The following SEZ6L variants were observed in gnomAD, a reference collection of about 807,000 sequenced individuals.
SEZ6L encodes the protein seizure 6-like protein.
In SEZ6L, 37 loss-of-function variants were observed where a neutral mutation model predicts 106.2. The ratio of observed to expected loss-of-function variants is 0.35; its 90% CI spans 0.27 to 0.46. The LOEUF is 0.46. SEZ6L is among the 20% of genes least tolerant of loss of function. The probability of loss-of-function intolerance (pLI) is 1.00; values close to 1 mark genes in which losing one functional copy is unlikely to be tolerated. For missense variants in SEZ6L, 1,172 were observed against 1,332.8 expected, an observed-to-expected ratio of 0.88 and a Z score of 1.88; for synonymous variants, 541 against 570.4, an observed-to-expected ratio of 0.95 and a Z score of 0.73.
At chr22:26,378,369 G>T (rs1187585014) in intron 16 of SEZ6L, among the ~76,000 whole-genome samples, 2 of 152,192 alleles carry the variant, frequency 1.3e-5, no homozygotes, top group African/African-American at 4.8e-5. Flanking sequence ...GGTCCAGAGA[G>T]AGGAAAGAAT....
rs534556288 is a variant in SEZ6L, at chr22:26,294,027, T to C, written c.836-265T>C. 3.7e-4 allele frequency among the ~76,000 whole-genome samples: 57 copies of C among 152,312 alleles called. 1 individual carries two copies. The South Asian group carries it at 0.012, about 31-fold the overall frequency. Reference sequence around the variant, plus strand: ...TTCCCTCTAAACTGGGGATGAAATATTATCAGTCCCTATGAGAATAAGTGG... The same window carrying C: ...TTCCCTCTAAACTGGGGATGAAATACTATCAGTCCCTATGAGAATAAGTGG... On this transcript the variant is annotated intron_variant, in intron 2 of 16. Coordinates refer to ENST00000248933, the MANE Select transcript of SEZ6L (RefSeq NM_021115.5).
At chr22:26,281,215 GGAGA>G (rs1012683809) in intron 1 of SEZ6L, among the ~76,000 whole-genome samples, 1 of 152,172 alleles carries the variant, frequency 6.6e-6, no homozygotes, top group Non-Finnish European at 1.5e-5. Flanking sequence ...ATAAGAAGCA[GGAGA>G]GAGATATGAG....
chr22:26,379,490 A>G (rs1052532600), intron 16 of SEZ6L, among the ~76,000 whole-genome samples: 1 of 152,266 alleles, frequency 6.6e-6, no homozygotes, highest in African/African-American at 2.4e-5. Flanking sequence ...GTGATTGCAT[A>G]TCTGTGTTGG....
intron 13 of SEZ6L, among the ~76,000 whole-genome samples, chr22:26,369,357 T>TTTTTTTTTTTTTTTTTTTTTTTA: frequency 7.7e-6 from 1 of 130,514 alleles, no homozygotes; most frequent in African/African-American, 2.9e-5. Context: ...TTTTTTTTTT[T>TTTTTTTTTTTTTTTTTTTTTTTA]GAGACAGATT....
chr22:26,228,114 A>T (rs548200330), intron 1 of SEZ6L, among the ~76,000 whole-genome samples: 1 of 152,330 alleles, frequency 6.6e-6, no homozygotes, highest in East Asian at 1.9e-4. Context: ...TAACACAGGC[A>T]CCCACCAACA....
At chr22:26,202,635 T>C (rs1941037162) in intron 1 of SEZ6L, among the ~76,000 whole-genome samples, 1 of 152,150 alleles carries the variant, frequency 6.6e-6, no homozygotes, top group Admixed American at 6.5e-5. Flanking sequence ...AATTCATCAA[T>C]TTTATGTCTT....
chr22:26,336,644 G>A (rs114839247), intron 9 of SEZ6L, among the ~76,000 whole-genome samples: 2,617 of 152,182 alleles, frequency 0.017, 83 homozygotes, highest in African/African-American at 0.059. Flanking sequence ...GTTGCACACC[G>A]TTTACAATGT....
chr22:26,205,647 T>G (rs895690564), intron 1 of SEZ6L, among the ~76,000 whole-genome samples: 1 of 152,030 alleles, frequency 6.6e-6, no homozygotes, highest in Non-Finnish European at 1.5e-5. Flanking sequence ...AAAATCTCGG[T>G]GGTGGGGGAT....
chr22:26,351,536 TGTTTGTTTGTTG>T (rs1039539596), intron 12 of SEZ6L: 8 of 162,774 alleles, frequency 4.9e-5, no homozygotes, highest in African/African-American at 8.8e-5. Context: ...TTTGTTTGTT[TGTTTGTTTGTTG>T]GTTGGTTGGT....
intron 1 of SEZ6L, among the ~76,000 whole-genome samples, chr22:26,209,979 A>AAGGAAGGG (rs2078108112): frequency 5.0e-5 from 7 of 138,980 alleles, no homozygotes; most frequent in African/African-American, 1.9e-4. Context: ...GGGAGGGAGG[A>AAGGAAGGG]AGGAAGGAAG....
chr22:26,248,993 A>G (rs1339725434), intron 1 of SEZ6L, among the ~76,000 whole-genome samples: 4 of 152,192 alleles, frequency 2.6e-5, no homozygotes, highest in Non-Finnish European at 5.9e-5. Flanking sequence ...TAAGATTCAA[A>G]AAGAGCCATC....
chr22:26,223,878 A>G (rs2078559302), intron 1 of SEZ6L, among the ~76,000 whole-genome samples: 1 of 152,218 alleles, frequency 6.6e-6, no homozygotes. Flanking sequence ...AATACTAGGC[A>G]TTTGTAAAAC....
chr22:26,260,623 C>T (rs986538063), intron 1 of SEZ6L, among the ~76,000 whole-genome samples: 1 of 152,014 alleles, frequency 6.6e-6, no homozygotes, highest in Non-Finnish European at 1.5e-5. Context: ...TCTTTATCTG[C>T]TCATTGATTG....
rs549918816 is a variant in SEZ6L, at chr22:26,352,431, GA to G, written c.2599+1195del. Among the ~76,000 whole-genome samples, 105 of 152,030 alleles carry G rather than the reference GA, an allele frequency of 6.9e-4. 1 individual carries two copies. In the East Asian group the frequency reaches 0.019, roughly 28 times the overall value. On this transcript the variant is annotated intron_variant, in intron 12 of 16. Coordinates refer to ENST00000248933, the MANE Select transcript of SEZ6L (RefSeq NM_021115.5). ...AGAACCAAGAATTTAACTCTGGGGG[GA>G]AAAAAAGAAAAGAAAAAATAGAATT...
chr22:26,376,447 A>G (rs2084226594), intron 15 of SEZ6L, among the ~76,000 whole-genome samples: 1 of 152,208 alleles, frequency 6.6e-6, no homozygotes, highest in African/African-American at 2.4e-5. Context: ...AGTGATCATG[A>G]GAAACCTATG....
In SEZ6L at chr22:26,311,902, A is replaced by G. The variant is rs2145924077; in HGVS notation, c.1816A>G (p.Ile606Val). Residue 606 changes from isoleucine to valine, a missense_variant, in exon 8 of 17, where the codon ATC becomes GTC. Coordinates refer to ENST00000248933, the MANE Select transcript of SEZ6L (RefSeq NM_021115.5). ...CCACTCCCTGGAGCAGGGCCCGGCC[A>G]TCATCGAATGCATCAATGTGCGGGA... ...PGHSLEQGPAIIECINVRDPY... is the reference protein window; with the variant it reads ...PGHSLEQGPAVIECINVRDPY... The G allele has an allele frequency of 6.2e-7, 1 of 1,614,188 alleles. No homozygotes were observed.
intron 9 of SEZ6L, among the ~76,000 whole-genome samples, chr22:26,316,152 A>C (rs1389926158): frequency 1.3e-5 from 2 of 152,214 alleles, no homozygotes; most frequent in African/African-American, 4.8e-5. Flanking sequence ...ATGCTTATTC[A>C]TTCATTCCAA....
At chr22:26,265,685 A>G (rs892035447) in intron 1 of SEZ6L, among the ~76,000 whole-genome samples, 1 of 152,206 alleles carries the variant, frequency 6.6e-6, no homozygotes, top group Admixed American at 6.5e-5. Context: ...TGGAGCTCTA[A>G]GAGGCACCCA....
intron 1 of SEZ6L, among the ~76,000 whole-genome samples, chr22:26,195,372 A>G (rs1940508177): frequency 6.6e-6 from 1 of 152,168 alleles, no homozygotes; most frequent in South Asian, 2.1e-4. Context: ...GCCACTGCCT[A>G]CCTATGTGAC....
Sources: gnomAD v4.1 joint callset for allele counts (sites outside exome capture counted in the v4.1 genomes callset) on GRCh38, gnomAD v4.1.1 for gene constraint, MANE v1.5 for transcripts, NCBI Gene and HGNC (gene_info 2026-07-23, HGNC 2026-07-21) for gene names.